RGS7: variants seen among roughly 807,000 people sequenced by gnomAD.
RGS7 encodes the protein regulator of G-protein signaling 7.
In RGS7, 27 loss-of-function variants were observed where a neutral mutation model predicts 81.1. The ratio of observed to expected loss-of-function variants is 0.33; its 90% CI spans 0.25 to 0.46. The LOEUF is 0.46. Among genes scored for constraint, RGS7 ranks in the 20% least tolerant of loss-of-function variants. The probability of loss-of-function intolerance (pLI) is 1.00; values close to 1 mark genes in which losing one functional copy is unlikely to be tolerated. For missense variants in RGS7, 396 were observed against 607.4 expected (o/e 0.65, Z 3.66); for synonymous variants, 208 against 207.7 (o/e 1.00, Z -0.01).
rs200892565 is a variant in RGS7, at chr1:241,197,845, AAG to A, written c.79-99085_79-99084del. Among the ~76,000 whole-genome samples, 571 of 146,212 alleles carry A rather than the reference AAG, an allele frequency of 3.9e-3. 1 individual carries two copies. Among genetic ancestry groups the A allele is most frequent in the East Asian group, 6.8e-3 (34 of 5,000 alleles). Reference sequence around the variant, plus strand: ...AGATAAAAGACCAAAAAAAAAAAAAAAGATTGCAAACTTGATCTAGTTGAAAT... The same window carrying A: ...AGATAAAAGACCAAAAAAAAAAAAAAATTGCAAACTTGATCTAGTTGAAAT... On this transcript the variant is annotated intron_variant, in intron 2 of 18. Transcript: ENST00000440928.
At position 241,258,082 on chromosome 1, in the gene RGS7, T is replaced by C. The variant is rs543466577; in HGVS notation, c.78+97617A>G. 3.2e-4 allele frequency among the ~76,000 whole-genome samples: 49 copies of C among 152,344 alleles called. No homozygotes were observed. The South Asian group carries it at 9.7e-3, about 30-fold the overall frequency. On this transcript the variant is annotated intron_variant, in intron 2 of 18. Coordinates refer to ENST00000440928, the MANE Select transcript of RGS7 (RefSeq NM_001364886.1). Reference sequence around the variant, plus strand: ...GTCTATTGACTATGTAATGAGACTATCTCTGATAATTCTTATATATAGTAT... The same window carrying C: ...GTCTATTGACTATGTAATGAGACTACCTCTGATAATTCTTATATATAGTAT...
intron 9 of RGS7, among the ~76,000 whole-genome samples, chr1:240,856,035 CATG>C (rs1162543347): frequency 2.6e-5 from 4 of 152,234 alleles, no homozygotes; most frequent in East Asian, 3.9e-4. Context: ...TATGTGAAAT[CATG>C]ATATTTCTGA....
In RGS7 at chr1:241,164,664, A is replaced by G. The variant is rs2070036008; in HGVS notation, c.79-65902T>C. Among the ~76,000 whole-genome samples the G allele has an allele frequency of 6.6e-6, 1 of 152,188 alleles. No individual in the cohort carries two copies. Among genetic ancestry groups the G allele is most frequent in the African/African-American group, 2.4e-5 (1 of 41,428 alleles). ...ATCTTTCAATTTTTCTAGAGAAGTC[A>G]GATATCTGAACATTAATGTGAAATT... On this transcript the variant is annotated intron_variant, in intron 2 of 18. Coordinates refer to ENST00000440928, the MANE Select transcript of RGS7 (RefSeq NM_001364886.1). The surrounding 1 kb of genome is among the most constrained non-coding windows in gnomAD (Gnocchi z 4.1).
intron 2 of RGS7, among the ~76,000 whole-genome samples, chr1:241,156,097 CA>C (rs2069110338): frequency 1.3e-5 from 2 of 151,730 alleles, no homozygotes; most frequent in South Asian, 4.2e-4. Flanking sequence ...CACACACACA[CA>C]CACACCTGAG....
intron 2 of RGS7, among the ~76,000 whole-genome samples, chr1:241,225,410 G>A (rs2148023411): frequency 6.6e-6 from 1 of 152,284 alleles, no homozygotes; most frequent in African/African-American, 2.4e-5. Context: ...TAGCATAAGA[G>A]CTTTAAACAA....
At chr1:241,085,615 T>C (rs2063392051) in intron 3 of RGS7, among the ~76,000 whole-genome samples, 2 of 151,918 alleles carry the variant, frequency 1.3e-5, no homozygotes, top group South Asian at 4.1e-4. Context: ...TTTTAGTAGA[T>C]ATGGGGTTTT....
intron 18 of RGS7, among the ~76,000 whole-genome samples, chr1:240,800,290 T>G (rs909533058): frequency 5.3e-5 from 8 of 152,190 alleles, no homozygotes; most frequent in African/African-American, 1.9e-4. Context: ...ACAATGTGAT[T>G]AATTCCTGGA....
chr1:241,000,661 T>TCTTTC (rs1688001662), intron 3 of RGS7, among the ~76,000 whole-genome samples: 1 of 150,376 alleles, frequency 6.6e-6, no homozygotes. Context: ...TCTTTTCTTT[T>TCTTTC]TTTTATACAG....
At chr1:241,215,630 C>T (rs1558197244) in intron 2 of RGS7, among the ~76,000 whole-genome samples, 1 of 152,138 alleles carries the variant, frequency 6.6e-6, no homozygotes, top group Non-Finnish European at 1.5e-5. Context: ...GCAAATAGGA[C>T]TTCAAAAATT....
At chr1:241,185,872 A>G (rs35334495) in intron 2 of RGS7, among the ~76,000 whole-genome samples, 30,404 of 152,124 alleles carry the variant, frequency 0.2, 3,721 homozygotes, top group Admixed American at 0.28. Flanking sequence ...CCAAATGCCT[A>G]AATTTTTAAA....
intron 6 of RGS7, among the ~76,000 whole-genome samples, chr1:240,905,652 T>C (rs1670701152): frequency 6.6e-6 from 1 of 152,306 alleles, no homozygotes; most frequent in East Asian, 1.9e-4. Context: ...GAAAATGCAA[T>C]GCACTCAGGG....
intron 2 of RGS7, among the ~76,000 whole-genome samples, chr1:241,217,176 T>C (rs2074618952): frequency 6.6e-6 from 1 of 152,142 alleles, no homozygotes; most frequent in African/African-American, 2.4e-5. Context: ...GAAGAGCCAC[T>C]GAGCTTGCTT....
At chr1:241,218,335 G>A (rs558909913) in intron 2 of RGS7, among the ~76,000 whole-genome samples, 28 of 152,270 alleles carry the variant, frequency 1.8e-4, no homozygotes, top group African/African-American at 6.5e-4. Flanking sequence ...GTCAAACGGA[G>A]CCCCCAGTAA....
At chr1:240,851,011 C>T (rs1029265379) in intron 9 of RGS7, among the ~76,000 whole-genome samples, 9 of 152,162 alleles carry the variant, frequency 5.9e-5, no homozygotes, top group African/African-American at 2.2e-4. Flanking sequence ...ATGGAAGCAG[C>T]AAGTGTTGAT....
intron 2 of RGS7, among the ~76,000 whole-genome samples, chr1:241,308,615 G>T (rs769163135): frequency 6.6e-6 from 1 of 152,190 alleles, no homozygotes; most frequent in Admixed American, 6.5e-5. Context: ...CGCAGTTTCT[G>T]TCATGGCCTG....
chr1:240,834,827 C>G (rs994360218), intron 9 of RGS7, among the ~76,000 whole-genome samples: 1 of 151,688 alleles, frequency 6.6e-6, no homozygotes, highest in East Asian at 1.9e-4. Context: ...TGGCTTAATT[C>G]TAAACATAAT....
At chr1:241,035,260 C>T (rs753349639) in intron 3 of RGS7, among the ~76,000 whole-genome samples, 10 of 151,952 alleles carry the variant, frequency 6.6e-5, no homozygotes, top group Non-Finnish European at 1.3e-4. Flanking sequence ...AAGGGAATAT[C>T]TAAGTTCATT....
chr1:240,972,079 A>G (rs1683287140), intron 4 of RGS7, among the ~76,000 whole-genome samples: 1 of 152,206 alleles, frequency 6.6e-6, no homozygotes, highest in African/African-American at 2.4e-5. Flanking sequence ...CCAGAATGCA[A>G]CAGGTAAATA....
chr1:241,345,518 AACATGATTGTATATTT>A (rs1169719520), intron 2 of RGS7, among the ~76,000 whole-genome samples: 1 of 152,224 alleles, frequency 6.6e-6, no homozygotes, highest in Non-Finnish European at 1.5e-5. Flanking sequence ...CCAACATATT[AACATGATTGTATATTT>A]ATCTGGAAAT....
Sources: allele counts gnomAD v4.1 joint callset (sites outside exome capture counted in the v4.1 genomes callset), GRCh38; gene constraint gnomAD v4.1.1; non-coding constraint Gnocchi (gnomAD v3.1); transcripts MANE v1.5; gene names NCBI Gene and HGNC (gene_info 2026-07-23, HGNC 2026-07-21).